The following ASAH2 variants were observed in gnomAD, a reference collection of about 807,000 sequenced individuals.
ASAH2 encodes N-acylsphingosine amidohydrolase 2.
ASAH2 carries 58 observed loss-of-function variants against 82.9 expected under a neutral mutation model. That is an observed-to-expected ratio of 0.70 (90% CI 0.57 to 0.87). ASAH2 has a LOEUF of 0.87. ASAH2 is among the 40% of genes least tolerant of loss of function. The probability of loss-of-function intolerance (pLI) is 0.00; values close to 1 mark genes in which losing one functional copy is unlikely to be tolerated. For synonymous variants in ASAH2, 276 were observed against 289.7 expected (o/e 0.95, Z 0.48); for missense variants, 779 against 834.0 (o/e 0.93, Z 0.81).
At chr10:50,204,990 TA>T in intron 13 of ASAH2, 35 bp from the exon 14 acceptor site, 1 of 1,434,586 alleles carries the variant, frequency 7.0e-7, no homozygotes, top group African/African-American at 1.4e-5. Context: ...ATGTTAGGGA[TA>T]ACACTCTCTC....
chr10:50,240,546 A>G (rs1430275416), intron 4 of ASAH2: 4 of 702,184 alleles, frequency 5.7e-6, no homozygotes, highest in East Asian at 2.7e-5. Flanking sequence ...CTCAGAGTCC[A>G]TATCACCCAC....
chr10:50,244,919 T>C (rs752513492), intron 3 of ASAH2, among the ~76,000 whole-genome samples: 3 of 152,094 alleles, frequency 2.0e-5, no homozygotes, highest in Non-Finnish European at 2.9e-5. Context: ...TTTCTTATGT[T>C]ACACTGGCCT....
intron 2 of ASAH2, 36 bp from the exon 3 acceptor site, chr10:50,245,490 C>T (rs1846430749): frequency 6.4e-7 from 1 of 1,559,990 alleles, no homozygotes; most frequent in Non-Finnish European, 8.7e-7. Context: ...AACAACATTT[C>T]AGCCCTCTTA....
chr10:50,234,210 A>G (rs1011615), intron 6 of ASAH2, among the ~76,000 whole-genome samples: 41,523 of 151,892 alleles, frequency 0.27, 6,387 homozygotes, highest in East Asian at 0.59. Flanking sequence ...CCCATAATCA[A>G]CAAAGTGGAA....
At chr10:50,199,992 G>A (rs1174559623) in intron 16 of ASAH2, among the ~76,000 whole-genome samples, 10 of 151,102 alleles carry the variant, frequency 6.6e-5, no homozygotes, top group African/African-American at 2.2e-4. Context: ...CACATGTCAT[G>A]AGGGTTGGTT....
intron 17 of ASAH2, among the ~76,000 whole-genome samples, chr10:50,198,563 T>C (rs1355973741): frequency 6.6e-6 from 1 of 151,534 alleles, no homozygotes; most frequent in Non-Finnish European, 1.5e-5. Context: ...GGAAAATGCA[T>C]CCCAATTTCC....
chr10:50,194,546 T>A (rs1242000353), intron 18 of ASAH2, among the ~76,000 whole-genome samples: 6 of 151,080 alleles, frequency 4.0e-5, no homozygotes, highest in Admixed American at 2.6e-4. Context: ...ACTTTTCTAC[T>A]ACGATTGGAA....
At chr10:50,222,517 C>T (rs957801889) in intron 7 of ASAH2, among the ~76,000 whole-genome samples, 76 of 152,226 alleles carry the variant, frequency 5.0e-4, no homozygotes, top group African/African-American at 1.7e-3. Context: ...AGAGCTCAAG[C>T]GATCCTCCTG....
chr10:50,223,529 A>G (rs1256692828), intron 7 of ASAH2, among the ~76,000 whole-genome samples: 3 of 152,324 alleles, frequency 2.0e-5, no homozygotes, highest in African/African-American at 7.2e-5. Flanking sequence ...CAAATAGGGA[A>G]ATAGAATACT....
At chr10:50,250,123 C>T (rs1446789392) in intron 1 of ASAH2, among the ~76,000 whole-genome samples, 3 of 152,114 alleles carry the variant, frequency 2.0e-5, no homozygotes, top group Admixed American at 6.6e-5. Flanking sequence ...CCAGCATTCC[C>T]GTGTGCCAAG....
intron 20 of ASAH2, among the ~76,000 whole-genome samples, chr10:50,188,849 T>C (rs1226874656): frequency 7.8e-6 from 1 of 128,342 alleles, no homozygotes; most frequent in Non-Finnish European, 1.6e-5. Flanking sequence ...CATGCCACTG[T>C]CATGGAATGT....
At chr10:50,213,783 ACTTTAATATATTAGGAG>A (rs1400620006) in intron 9 of ASAH2, among the ~76,000 whole-genome samples, 1 of 152,140 alleles carries the variant, frequency 6.6e-6, no homozygotes, top group Non-Finnish European at 1.5e-5. Context: ...CAAAACTAAG[ACTTTAATATATTAGGAG>A]CTTTAAAAAG....
In ASAH2 at chr10:50,187,132, A is replaced by T. The variant is rs1415270297; in HGVS notation, c.*183T>A. 0.047 allele frequency: 12,273 copies of T among 263,326 alleles called. 397 individuals are homozygous for T. Among genetic ancestry groups the T allele is most frequent in the Non-Finnish European group, 0.063 (7,913 of 126,426 alleles). The allele number at this position is 263,326 out of a possible 1,614,324, so 16.3% of individuals were successfully genotyped here. On this transcript the variant is annotated 3_prime_UTR_variant, in exon 21 of 21. Transcript: ENST00000682911. Reference sequence around the variant, plus strand: ...CTCTCTCTCTCTCACACACACACACACACACACACACACACACACACACAC... The same window carrying T: ...CTCTCTCTCTCTCACACACACACACTCACACACACACACACACACACACAC...
At position 50,218,522 on chromosome 10, in the gene ASAH2, A is replaced by G; in HGVS notation, c.1002T>C (p.Tyr334=). Residue 334 remains tyrosine (Y), a synonymous_variant, in exon 8 of 21, where the codon TAT becomes TAC. Transcript: ENST00000682911. ...YLLEQEKNKG[Y]LPGQGPFVAA... ...TATAAATTCTCACCTGTCCAGGTAG[A>G]TATCCTTTGTTCTTCTCTTGCTCAA... is the stretch of plus-strand genomic sequence containing the variant. 1.9e-6 allele frequency: 3 copies of G among 1,613,708 alleles called. No individual in the cohort carries two copies.
Position 50,234,900 on chromosome 10 carries a change from T to A in ASAH2, c.688-348A>T, listed in dbSNP as rs4326739. 3.3e-5 allele frequency among the ~76,000 whole-genome samples: 5 copies of A among 152,228 alleles called. No homozygotes were observed. The East Asian group carries it at 9.7e-4, about 29-fold the overall frequency. ...GGAGACTTGACTCCTACAACACTAA[T>A]ACAAGTTTTGCTAACATGCAACTGT... is the stretch of plus-strand genomic sequence containing the variant. On this transcript the variant is annotated intron_variant, in intron 5 of 20. Transcript: ENST00000682911.
At chr10:50,229,356 A>T (rs1845971419) in intron 7 of ASAH2, among the ~76,000 whole-genome samples, 1 of 152,152 alleles carries the variant, frequency 6.6e-6, no homozygotes, top group Non-Finnish European at 1.5e-5. Context: ...ATGTAAGGGG[A>T]AAAAGGCACA....
intron 4 of ASAH2, among the ~76,000 whole-genome samples, chr10:50,240,922 C>G (rs958184335): frequency 5.3e-5 from 8 of 152,346 alleles, no homozygotes; most frequent in African/African-American, 1.7e-4. Context: ...TGAGTGTGAG[C>G]TGGACTTAGT....
chr10:50,242,953 T>G (rs1242714785), intron 4 of ASAH2, among the ~76,000 whole-genome samples: 1 of 152,134 alleles, frequency 6.6e-6, no homozygotes, highest in African/African-American at 2.4e-5. Context: ...AACAAAAACA[T>G]TAGCATTAAT....
chr10:50,243,591 C>A (rs1846366401), intron 3 of ASAH2, among the ~76,000 whole-genome samples: 1 of 152,086 alleles, frequency 6.6e-6, no homozygotes, highest in South Asian at 2.1e-4. Context: ...GGCAAAGAAT[C>A]GATCAGGTTG....
Sources: allele counts gnomAD v4.1 joint callset (sites outside exome capture counted in the v4.1 genomes callset), GRCh38; gene constraint gnomAD v4.1.1; transcripts MANE v1.5; gene names NCBI Gene and HGNC (gene_info 2026-07-23, HGNC 2026-07-21).